Variants in AFAP1 observed in about 807,000 individuals in gnomAD.
AFAP1 encodes the protein actin filament associated protein 1.
Under a neutral mutation model 93.9 loss-of-function variants are expected in AFAP1, and 75 were observed. The ratio of observed to expected loss-of-function variants is 0.80; its 90% CI spans 0.66 to 0.97. The LOEUF (loss-of-function observed/expected upper bound fraction) is 0.97. Ranked by LOEUF, AFAP1 falls within the 50% of genes least tolerant of loss-of-function variation. The pLI is 0.00. For synonymous variants in AFAP1, 517 were observed against 430.7 expected (o/e 1.20, Z -2.48); for missense variants, 1,201 against 1,050.8 (o/e 1.14, Z -1.98).
chr4:7,774,474 TC>T (rs1438821805), intron 15 of AFAP1: 3 of 458,836 alleles, frequency 6.5e-6, no homozygotes, highest in African/African-American at 4.0e-5. Context: ...CCGGAACAGG[TC>T]CCCCAGCACC....
intron 6 of AFAP1, among the ~76,000 whole-genome samples, chr4:7,828,536 C>G (rs1237094480): frequency 6.6e-6 from 1 of 152,166 alleles, no homozygotes; most frequent in Non-Finnish European, 1.5e-5. Context: ...ATCCTGCTGT[C>G]ATCAGCTATC....
In AFAP1 at chr4:7,895,067, G is replaced by A. The variant is rs115217068; in HGVS notation, c.-2-22987C>T. Among the ~76,000 whole-genome samples, 894 of 152,334 alleles carry A rather than the reference G, an allele frequency of 5.9e-3. 6 individuals carry two copies. The highest frequency in any genetic ancestry group is 0.019 in the African/African-American group (777 of 41,576). ...AGAACATCGTTGGTCTCACACACCCGCTTCGCAGGGCTGGGGCTGCCACAG... is the reference window on the plus strand; with the variant it reads ...AGAACATCGTTGGTCTCACACACCCACTTCGCAGGGCTGGGGCTGCCACAG... On this transcript the variant is annotated intron_variant, in intron 1 of 17. Transcript: ENST00000420658.
In AFAP1 at chr4:7,918,985, AGGTCACCAGGAAACAGGGCTGCG is replaced by A. The variant is rs1720279560; in HGVS notation, c.-3+20648_-3+20670del. Among the ~76,000 whole-genome samples the A allele has an allele frequency of 1.9e-4, 28 of 144,964 alleles. 1 individual carries two copies. The highest frequency in any genetic ancestry group is 5.4e-4 in the African/African-American group (21 of 38,890). ...GGCTGTTGGAAGAGACACTCGGCCCAGGTCACCAGGAAACAGGGCTGCGGATGAGACACTCGGCCCAGGTCACC... is the reference window on the plus strand; with the variant it reads ...GGCTGTTGGAAGAGACACTCGGCCCAGATGAGACACTCGGCCCAGGTCACC... On this transcript the variant is annotated intron_variant, in intron 1 of 17. Coordinates refer to ENST00000420658, the MANE Select transcript of AFAP1 (RefSeq NM_001134647.2).
chr4:7,804,575 T>C (rs1444946868), intron 9 of AFAP1, among the ~76,000 whole-genome samples: 2 of 152,164 alleles, frequency 1.3e-5, no homozygotes, highest in Admixed American at 6.5e-5. Context: ...GGTCAGCTGG[T>C]CCGGATATGG....
intron 1 of AFAP1, among the ~76,000 whole-genome samples, chr4:7,886,233 T>C (rs1440637910): frequency 6.6e-6 from 1 of 152,246 alleles, no homozygotes; most frequent in Non-Finnish European, 1.5e-5. Context: ...AATGTGGGGA[T>C]AATAACAGTT....
chr4:7,849,249 C>T (rs909956474), intron 4 of AFAP1, among the ~76,000 whole-genome samples: 7 of 152,096 alleles, frequency 4.6e-5, no homozygotes, highest in African/African-American at 1.7e-4. Context: ...GAGTGAGAGG[C>T]TGGCAGAAAA....
intron 1 of AFAP1, among the ~76,000 whole-genome samples, chr4:7,937,321 G>T (rs540928076): frequency 6.6e-6 from 1 of 152,300 alleles, no homozygotes; most frequent in Non-Finnish European, 1.5e-5. Flanking sequence ...ACCATTGCTG[G>T]TAAGAGAATT....
At chr4:7,814,823 G>C (rs1231433851) in intron 8 of AFAP1, among the ~76,000 whole-genome samples, 2 of 152,158 alleles carry the variant, frequency 1.3e-5, no homozygotes, top group Non-Finnish European at 2.9e-5. Context: ...TCTTGATTGT[G>C]GTGATGGTTC....
rs1468644789 is a variant in AFAP1 at position 7,850,075 on chromosome 4, T to C, written c.334+5391A>G. ...GGGATGGGATGCCACGAGAAGGTTG[T>C]GAATAGAGCAGAGATCTGACTTATG... On this transcript the variant is annotated intron_variant, in intron 4 of 17. Coordinates refer to ENST00000420658, the MANE Select transcript of AFAP1 (RefSeq NM_001134647.2). 4.6e-5 allele frequency among the ~76,000 whole-genome samples: 7 copies of C among 152,098 alleles called. No individual in the cohort carries two copies. In the East Asian group the frequency reaches 1.3e-3, roughly 29 times the overall value.
chr4:7,896,462 G>A (rs1718774558), intron 1 of AFAP1, among the ~76,000 whole-genome samples: 1 of 151,968 alleles, frequency 6.6e-6, no homozygotes, highest in South Asian at 2.1e-4. Flanking sequence ...CCCATGGTCT[G>A]TAAAACAGCT....
At chr4:7,913,822 A>T (rs183378427) in intron 1 of AFAP1, among the ~76,000 whole-genome samples, 7 of 152,340 alleles carry the variant, frequency 4.6e-5, no homozygotes, top group African/African-American at 1.7e-4. Context: ...CCTAGGGTCT[A>T]TATCAAAAAT....
chr4:7,895,974 C>A (rs532025690), intron 1 of AFAP1, among the ~76,000 whole-genome samples: 7 of 151,174 alleles, frequency 4.6e-5, no homozygotes, highest in East Asian at 1.9e-4. Flanking sequence ...GATTCTCCTG[C>A]CTCAGCCTCC....
rs759388367 is a variant in AFAP1, at chr4:7,819,075, C to T, written c.822+1G>A. The T allele has an allele frequency of 6.8e-6, 11 of 1,607,602 alleles. No homozygotes were observed. The highest frequency in any genetic ancestry group is 9.3e-6 in the Non-Finnish European group (11 of 1,177,306). The stretch of plus-strand genomic sequence containing the variant: ...CCACCCAGCAAGAGCAGCGCCCTTA[C>T]CTTCTCCAGTTCTGCCTTGTGCACC... On this transcript the variant is annotated splice_donor_variant, in intron 7 of 17. Transcript: ENST00000420658. LOFTEE classifies it high-confidence loss of function.
At chr4:7,864,652 C>G (rs978570799) in intron 3 of AFAP1, among the ~76,000 whole-genome samples, 3 of 152,238 alleles carry the variant, frequency 2.0e-5, no homozygotes, top group Non-Finnish European at 4.4e-5. Flanking sequence ...CCCACAAAAA[C>G]TGTCCCACCT....
In AFAP1 at chr4:7,829,203, G is replaced by A. The variant is rs762209353; in HGVS notation, c.726+9321C>T. Among the ~76,000 whole-genome samples, 32 of 152,114 alleles carry A rather than the reference G, an allele frequency of 2.1e-4. 1 individual carries two copies. The highest frequency in any genetic ancestry group is 2.0e-3 in the Admixed American group (31 of 15,268). On this transcript the variant is annotated intron_variant, in intron 6 of 17. Transcript: ENST00000420658. ...TCCTTTATAAATTACCCAGTCTAAGGTATTTCTTCATAGCGGCATGAGAAG... is the reference window on the plus strand; with the variant it reads ...TCCTTTATAAATTACCCAGTCTAAGATATTTCTTCATAGCGGCATGAGAAG...
intron 1 of AFAP1, among the ~76,000 whole-genome samples, chr4:7,885,542 T>C (rs1445294234): frequency 6.6e-6 from 1 of 152,204 alleles, no homozygotes; most frequent in Non-Finnish European, 1.5e-5. Flanking sequence ...CAGTAGACAG[T>C]TGGAAGACAG....
intron 1 of AFAP1, among the ~76,000 whole-genome samples, chr4:7,892,785 T>C (rs1484593659): frequency 6.6e-6 from 1 of 152,014 alleles, no homozygotes; most frequent in Non-Finnish European, 1.5e-5. Flanking sequence ...GACTGCACCC[T>C]GACCTCAGCC....
intron 1 of AFAP1, among the ~76,000 whole-genome samples, chr4:7,937,638 C>G (rs960624825): frequency 2.0e-5 from 3 of 152,174 alleles, no homozygotes; most frequent in Admixed American, 1.3e-4. Context: ...AGGCACCCAC[C>G]ACCATGCCCG....
rs775520237 is a variant in AFAP1 at position 7,786,239 on chromosome 4, G to T, written c.1485C>A (p.Ser495Arg). Residue 495 changes from serine to arginine, a missense_variant, in exon 12 of 18, where the codon AGC becomes AGA. By Grantham distance (110) the Ser-to-Arg change is moderately radical. Transcript: ENST00000420658. ...GGTSNGYAHP[S>R]GTALHYDDVP... Reference sequence around the variant, plus strand: ...CATCGTCATAATGAAGTGCCGTCCCGCTGGGGTGGGCATAGCCGTTGGAGG... The same window carrying T: ...CATCGTCATAATGAAGTGCCGTCCCTCTGGGGTGGGCATAGCCGTTGGAGG... The T allele has an allele frequency of 1.2e-6, 2 of 1,614,160 alleles. No homozygotes were observed. Among genetic ancestry groups the T allele is most frequent in the Admixed American group, 1.7e-5 (1 of 60,028 alleles).
Sources: allele counts gnomAD v4.1 joint callset (sites outside exome capture counted in the v4.1 genomes callset), GRCh38; gene constraint gnomAD v4.1.1; transcripts MANE v1.5; gene names NCBI Gene and HGNC (gene_info 2026-07-23, HGNC 2026-07-21).